DAPK2: variants seen among roughly 807,000 people sequenced by gnomAD.
The protein encoded by DAPK2 is death associated protein kinase 2, also known as death-associated protein kinase 2.
A neutral mutation model predicts 44.1 loss-of-function variants in DAPK2; 35 were observed. That is an observed-to-expected ratio of 0.79 (90% CI 0.61 to 1.05). The LOEUF (loss-of-function observed/expected upper bound fraction) is 1.05, where lower values mean the gene tolerates loss of function less well. Among genes scored for constraint, DAPK2 ranks in the 50% least tolerant of loss-of-function variants. The probability of loss-of-function intolerance (pLI) is 0.00; values close to 1 mark genes in which losing one functional copy is unlikely to be tolerated. For missense variants in DAPK2, 453 were observed against 483.2 expected, an observed-to-expected ratio of 0.94 and a Z score of 0.59; for synonymous variants, 174 against 182.6, an observed-to-expected ratio of 0.95 and a Z score of 0.38.
At chr15:63,962,952 G>C (rs2077953247) in intron 3 of DAPK2, among the ~76,000 whole-genome samples, 1 of 152,226 alleles carries the variant, frequency 6.6e-6, no homozygotes, top group African/African-American at 2.4e-5. Flanking sequence ...CCCAGAGGTG[G>C]AGTCTACAGA....
chr15:63,961,855 C>T (rs571905809), intron 3 of DAPK2, among the ~76,000 whole-genome samples: 169 of 152,156 alleles, frequency 1.1e-3, no homozygotes, highest in African/African-American at 3.8e-3. Context: ...ATCTTTGTGG[C>T]GTTCTCTGTA....
intron 1 of DAPK2, among the ~76,000 whole-genome samples, chr15:64,007,196 C>T (rs1296334548): frequency 1.3e-5 from 2 of 151,946 alleles, no homozygotes; most frequent in Non-Finnish European, 2.9e-5. Context: ...AACTCCTGGT[C>T]TCCAGTGATC....
At chr15:63,993,301 G>A (rs1023009767) in intron 1 of DAPK2, among the ~76,000 whole-genome samples, 10 of 152,192 alleles carry the variant, frequency 6.6e-5, no homozygotes, top group Non-Finnish European at 1.5e-4. Flanking sequence ...AGGCACACAT[G>A]GGGCAAAGTG....
In DAPK2 at chr15:63,911,811, C is replaced by T. The variant is rs748073144; in HGVS notation, c.1032+97G>A. 440 of 1,235,932 alleles carry T rather than the reference C, an allele frequency of 3.6e-4. 3 individuals carry two copies. The highest frequency in any genetic ancestry group is 3.0e-4 in the Admixed American group (15 of 50,572). The allele number at this position is 1,235,932 out of a possible 1,614,324, so 76.6% of individuals were successfully genotyped here. On this transcript the variant is annotated intron_variant, in intron 10 of 10. Coordinates refer to ENST00000261891, the Ensembl canonical transcript of DAPK2. ...AGCAGAACTGGCTGGAAACAGTGAA[C>T]ACCCACCTGCCTTGTGAGGGGAAAG...
At position 64,033,550 on chromosome 15, in the gene DAPK2, C is replaced by T. The variant is rs114652006; in HGVS notation, c.92+6620G>A. 6.1e-3 allele frequency among the ~76,000 whole-genome samples: 926 copies of T among 152,276 alleles called. 18 individuals are homozygous for T. Among genetic ancestry groups the T allele is most frequent in the African/African-American group, 0.022 (897 of 41,550 alleles). Reference sequence around the variant, plus strand: ...AAAGCAAGTTGTTGACTGTTATGGTCGTGTGGTCCCCTCTGTCCACACACA... The same window carrying T: ...AAAGCAAGTTGTTGACTGTTATGGTTGTGTGGTCCCCTCTGTCCACACACA... On this transcript the variant is annotated intron_variant, in intron 1 of 10. Coordinates refer to ENST00000261891, the Ensembl canonical transcript of DAPK2.
At chr15:64,002,958 G>GGGACC (rs1567266499) in intron 1 of DAPK2, among the ~76,000 whole-genome samples, 1,687 of 112,300 alleles carry the variant, frequency 0.015, 45 homozygotes, top group East Asian at 0.12. Flanking sequence ...GTGTGTGTGT[G>GGGACC]TGTGTGTCGT....
At chr15:64,021,228 G>A (rs531145004) in intron 1 of DAPK2, among the ~76,000 whole-genome samples, 6 of 152,120 alleles carry the variant, frequency 3.9e-5, no homozygotes, top group African/African-American at 7.2e-5. Context: ...ACAGGACAGC[G>A]GCCCCCAGGC....
intron 1 of DAPK2, among the ~76,000 whole-genome samples, chr15:64,027,042 A>G (rs2141117818): frequency 6.6e-6 from 1 of 152,148 alleles, no homozygotes; most frequent in African/African-American, 2.4e-5. Flanking sequence ...CCAGGAGTTC[A>G]AGACCAGCCT....
chr15:63,994,436 AG>A (rs2078895830), intron 1 of DAPK2, among the ~76,000 whole-genome samples: 1 of 150,210 alleles, frequency 6.7e-6, no homozygotes, highest in East Asian at 1.9e-4. Flanking sequence ...GAAGGAAGGA[AG>A]GAAGGAAGGA....
rs1281247789 is a variant in DAPK2, at chr15:63,908,001, G to A, written c.*519C>T. 6.6e-6 allele frequency: 1 copy of A among 152,464 alleles called. No homozygotes were observed. The highest frequency in any genetic ancestry group is 1.5e-5 in the Non-Finnish European group (1 of 68,190). The allele number at this position is 152,464 out of a possible 1,614,324, so 9.4% of individuals were successfully genotyped here. On this transcript the variant is annotated 3_prime_UTR_variant, in exon 11 of 11. Coordinates refer to ENST00000261891, the Ensembl canonical transcript of DAPK2. This position sits in a 1 kb window ranked among gnomAD's most constrained non-coding sequence, Gnocchi z 5.7. ...AGCAATGGGCTGCTTCAGAAGGTCTGAGGTGTTGGTCAGCCTGACGTCCTG... is the reference window on the plus strand; with the variant it reads ...AGCAATGGGCTGCTTCAGAAGGTCTAAGGTGTTGGTCAGCCTGACGTCCTG...
At chr15:63,960,523 T>C (rs905682822) in intron 3 of DAPK2, among the ~76,000 whole-genome samples, 10 of 152,234 alleles carry the variant, frequency 6.6e-5, no homozygotes, top group African/African-American at 2.4e-4. Flanking sequence ...CTGCTTTAAA[T>C]GTGTCCCAGA....
At chr15:63,948,168 G>A (rs2077496188) in intron 3 of DAPK2, among the ~76,000 whole-genome samples, 1 of 147,874 alleles carries the variant, frequency 6.8e-6, no homozygotes, top group Non-Finnish European at 1.5e-5. Context: ...CTACTTCAGA[G>A]GCTGAGGTAG....
Position 64,046,218 on chromosome 15 carries a change from C to G in DAPK2, c.-7+80G>C, listed in dbSNP as rs2080458712. On this transcript the variant is annotated intron_variant, in intron 1 of 11. Transcript: ENST00000457488. This position sits in a 1 kb window ranked among gnomAD's most constrained non-coding sequence, Gnocchi z 5.3. Reference sequence around the variant, plus strand: ...AGTGCCCCGGATCTCTTCGCCCCGCCAGCCCCAGACCCGGGCGCTGCTGCC... The same window carrying G: ...AGTGCCCCGGATCTCTTCGCCCCGCGAGCCCCAGACCCGGGCGCTGCTGCC... The G allele has an allele frequency of 1.8e-6, 1 of 566,934 alleles. No homozygotes were observed. Among genetic ancestry groups the G allele is most frequent in the African/African-American group, 2.0e-5 (1 of 49,612 alleles). The allele number at this position is 566,934 out of a possible 1,614,324, so 35.1% of individuals were successfully genotyped here.
At chr15:63,927,966 C>A (rs2079357345) in intron 6 of DAPK2, among the ~76,000 whole-genome samples, 1 of 152,090 alleles carries the variant, frequency 6.6e-6, no homozygotes, top group Non-Finnish European at 1.5e-5. Context: ...CCAGGCTGGT[C>A]TTGAACTCCT....
chr15:63,948,556 C>T (rs1172132532), intron 3 of DAPK2, among the ~76,000 whole-genome samples: 1 of 152,102 alleles, frequency 6.6e-6, no homozygotes, highest in Non-Finnish European at 1.5e-5. Flanking sequence ...GATCCAGTCA[C>T]CTCCCAACAG....
At chr15:63,928,028 G>A (rs2079361205) in intron 6 of DAPK2, among the ~76,000 whole-genome samples, 1 of 152,110 alleles carries the variant, frequency 6.6e-6, no homozygotes, top group African/African-American at 2.4e-5. Context: ...GATTACATGG[G>A]ATCCCTTCAT....
At chr15:64,040,806 G>A (rs1221369651), upstream of DAPK2, among the ~76,000 whole-genome samples, 1 of 150,386 alleles carries the variant, frequency 6.6e-6, no homozygotes, top group Non-Finnish European at 1.5e-5. Context: ...AGCTACTTGG[G>A]AGGAGGCTGA....
chr15:63,968,087 G>A (rs1309416663), intron 3 of DAPK2, among the ~76,000 whole-genome samples: 2 of 152,194 alleles, frequency 1.3e-5, no homozygotes, highest in Non-Finnish European at 2.9e-5. Context: ...AAACAACACA[G>A]AACCAAGAAG....
intron 6 of DAPK2, among the ~76,000 whole-genome samples, chr15:63,929,297 G>A (rs1230683393): frequency 6.6e-6 from 1 of 152,176 alleles, no homozygotes; most frequent in East Asian, 1.9e-4. Flanking sequence ...TTCCATAGGA[G>A]GAATGCAGAC....
Sources: gnomAD v4.1 joint callset for allele counts (sites outside exome capture counted in the v4.1 genomes callset) on GRCh38, gnomAD v4.1.1 for gene constraint, Gnocchi (gnomAD v3.1) non-coding constraint, MANE v1.5 for transcripts, NCBI Gene and HGNC (gene_info 2026-07-23, HGNC 2026-07-21) for gene names.